Variants in ACOT11 observed in about 807,000 individuals in gnomAD.
ACOT11 encodes acyl-coenzyme A thioesterase 11.
A neutral mutation model predicts 77.5 loss-of-function variants in ACOT11; 69 were observed. The observed-to-expected ratio is 0.89, with a 90% CI of 0.73 to 1.09. The LOEUF (loss-of-function observed/expected upper bound fraction) is 1.09, where lower values mean the gene tolerates loss of function less well. Among genes scored for constraint, ACOT11 ranks in the 50% least tolerant of loss-of-function variants. ACOT11 has a pLI of 0.00. For synonymous variants in ACOT11, 279 were observed against 313.0 expected, an observed-to-expected ratio of 0.89 and a Z score of 1.15; for missense variants, 766 against 813.7, an observed-to-expected ratio of 0.94 and a Z score of 0.71.
At chr1:54,574,890 C>G (rs1045970488) in intron 1 of ACOT11, among the ~76,000 whole-genome samples, 1 of 152,266 alleles carries the variant, frequency 6.6e-6, no homozygotes, top group African/African-American at 2.4e-5. Context: ...CTTCCTCACA[C>G]GTGCACAAAA....
At chr1:54,593,118 C>G (rs1654769937) in intron 4 of ACOT11, among the ~76,000 whole-genome samples, 1 of 152,122 alleles carries the variant, frequency 6.6e-6, no homozygotes, top group Non-Finnish European at 1.5e-5. Context: ...GGGGAGGGCT[C>G]TATTTCCCAC....
chr1:54,612,443 T>G, downstream of ACOT11: 1 of 1,418,812 alleles, frequency 7.0e-7, no homozygotes, highest in Non-Finnish European at 9.9e-7. Context: ...GCTGGGGGCA[T>G]CAGTGCCTCC....
At chr1:54,624,374 G>A (rs1644258786) in intron 15 of ACOT11, among the ~76,000 whole-genome samples, 1 of 151,966 alleles carries the variant, frequency 6.6e-6, no homozygotes, top group Admixed American at 6.6e-5. Context: ...GGGGTGGAGG[G>A]GCAGGGTGGG....
chr1:54,567,754 A>C (rs1249458569), intron 1 of ACOT11, among the ~76,000 whole-genome samples: 2 of 152,088 alleles, frequency 1.3e-5, no homozygotes, highest in Non-Finnish European at 2.9e-5. Flanking sequence ...GTCCTTCAGC[A>C]AGACCTGTTG....
chr1:54,597,987 G>A (rs1473525953), intron 7 of ACOT11: 1 of 153,534 alleles, frequency 6.5e-6, no homozygotes, highest in Non-Finnish European at 1.4e-5. Flanking sequence ...TATGGTAACT[G>A]ACCTTCACTA....
chr1:54,555,224 G>T (rs1237624645), intron 1 of ACOT11, among the ~76,000 whole-genome samples: 1 of 152,210 alleles, frequency 6.6e-6, no homozygotes, highest in African/African-American at 2.4e-5. Context: ...CTCCCAAAGT[G>T]CTGGGATTAC....
rs140899430 is a variant in ACOT11, at chr1:54,623,297, G to A, written c.1630-7437G>A. The A allele has an allele frequency of 5.6e-6, 9 of 1,613,882 alleles. No homozygotes were observed. In the East Asian group the frequency reaches 8.9e-5, roughly 16 times the overall value. ...ACCTACCTGGCCGCCGCAGGGTGAT[G>A]GCAAGGACTATTGCGGCAATGACCA... On this transcript the variant is annotated intron_variant, in intron 15 of 16. Coordinates refer to the ACOT11 transcript ENST00000371316.
At chr1:54,585,573 A>G (rs1341916456) in intron 2 of ACOT11, among the ~76,000 whole-genome samples, 7 of 152,230 alleles carry the variant, frequency 4.6e-5, no homozygotes, top group Non-Finnish European at 8.8e-5. Flanking sequence ...AGCAATGAAC[A>G]AGACAGGCAA....
At chr1:54,576,445 T>C (rs1009093926) in intron 1 of ACOT11, among the ~76,000 whole-genome samples, 3 of 129,654 alleles carry the variant, frequency 2.3e-5, no homozygotes, top group Non-Finnish European at 4.6e-5. Context: ...TGCAGTGAGC[T>C]GAGGTCACCC....
At chr1:54,616,069 G>A in intron 15 of ACOT11, 1 of 1,614,168 alleles carries the variant, frequency 6.2e-7, no homozygotes, top group Non-Finnish European at 8.5e-7. Flanking sequence ...CCAGTGTGTT[G>A]TCACTGTAGA....
rs537864480 is a variant in ACOT11, at chr1:54,573,565, T to A, written c.34-11090T>A. Among the ~76,000 whole-genome samples the A allele has an allele frequency of 1.4e-4, 22 of 152,188 alleles. No homozygotes were observed. In the South Asian group the frequency reaches 4.6e-3, roughly 32 times the overall value. ...CTGGCCAACATGGTGAAACCCCATC[T>A]CTACTAAAAATACAAAAAGTATCCA... On this transcript the variant is annotated intron_variant, in intron 1 of 15. Transcript: ENST00000343744.
intron 1 of ACOT11, among the ~76,000 whole-genome samples, chr1:54,553,655 A>G (rs150456016): frequency 0.015 from 2,313 of 152,278 alleles, 35 homozygotes; most frequent in Middle Eastern, 0.02. Flanking sequence ...AGAATACAAT[A>G]TATTGTCATT....
At chr1:54,590,425 C>G (rs1383732920) in intron 3 of ACOT11, among the ~76,000 whole-genome samples, 2 of 151,930 alleles carry the variant, frequency 1.3e-5, no homozygotes, top group Non-Finnish European at 2.9e-5. Context: ...GGGGAAGGAT[C>G]CGGTTTGGGC....
intron 9 of ACOT11, 42 bp downstream of exon 9, chr1:54,601,455 C>T (rs758818606): frequency 1.1e-5 from 18 of 1,595,370 alleles, no homozygotes; most frequent in Non-Finnish European, 1.5e-5. Flanking sequence ...AGCTCCCCTC[C>T]CCTCCCTCTC....
intron 16 of ACOT11, among the ~76,000 whole-genome samples, chr1:54,631,946 G>T (rs1393122083): frequency 1.3e-5 from 2 of 152,162 alleles, no homozygotes; most frequent in African/African-American, 4.8e-5. Context: ...GGTAATCTGC[G>T]TAAAGCTACC....
At chr1:54,634,554 G>A (rs1569821219) in intron 16 of ACOT11, 1 of 546,140 alleles carries the variant, frequency 1.8e-6, no homozygotes, top group East Asian at 3.0e-5. Flanking sequence ...CAAAAAAGGT[G>A]GAAAAATAGG....
At position 54,609,748 on chromosome 1, in the gene ACOT11, G is replaced by C; in HGVS notation, c.*636G>C. ...CAAGGCTGGAGAGGCGTGCCAGCAA[G>C]GCCAGGGATGGCCGGAGGGCTGCGG... On this transcript the variant is annotated 3_prime_UTR_variant, in exon 16 of 16. Coordinates refer to ENST00000343744, the MANE Select transcript of ACOT11 (RefSeq NM_147161.4). 4 of 1,614,198 alleles carry C rather than the reference G, an allele frequency of 2.5e-6. No homozygotes were observed. Among genetic ancestry groups the C allele is most frequent in the Non-Finnish European group, 1.7e-6 (2 of 1,180,038 alleles).
In ACOT11 at chr1:54,584,812, T is replaced by G. The variant is rs1374447497; in HGVS notation, c.191T>G (p.Leu64Arg). ...TGCCACACCAACCAACGTGGTGAGC[T>G]GAGCGTCGGGCAGCTGCTCAAGTGG... ...LPCHTNQRGE[L>R]SVGQLLKWID... is the part of the protein sequence containing the mutation. Residue 64 changes from leucine (L) to arginine (R), a missense_variant, in exon 2 of 16, where the codon CTG becomes CGG. Transcript: ENST00000343744. The surrounding 1 kb of genome is among the most constrained non-coding windows in gnomAD (Gnocchi z 6.3). 2 of 1,614,076 alleles carry G rather than the reference T, an allele frequency of 1.2e-6. No homozygotes were observed. The highest frequency in any genetic ancestry group is 1.7e-6 in the Non-Finnish European group (2 of 1,180,032).
downstream of ACOT11, among the ~76,000 whole-genome samples, chr1:54,613,548 A>G (rs1189604818): frequency 6.6e-6 from 1 of 152,152 alleles, no homozygotes; most frequent in African/African-American, 2.4e-5. Context: ...TTGGCCTCCC[A>G]AAGTACTGGG....
Sources: allele counts gnomAD v4.1 joint callset (sites outside exome capture counted in the v4.1 genomes callset), GRCh38; gene constraint gnomAD v4.1.1; non-coding constraint Gnocchi (gnomAD v3.1); transcripts MANE v1.5; gene names NCBI Gene and HGNC (gene_info 2026-07-23, HGNC 2026-07-21).